VAV1: variants seen among roughly 807,000 people sequenced by gnomAD.
VAV1 encodes the protein vav guanine nucleotide exchange factor 1, also known as proto-oncogene vav.
VAV1 carries 33 observed loss-of-function variants against 128.1 expected under a neutral mutation model. That is an observed-to-expected ratio of 0.26 (90% confidence interval 0.20 to 0.34). VAV1 has a LOEUF of 0.34. Ranked by LOEUF, VAV1 falls within the 10% of genes least tolerant of loss-of-function variation. The probability of loss-of-function intolerance (pLI) is 1.00; values close to 1 mark genes in which losing one functional copy is unlikely to be tolerated. For synonymous variants in VAV1, 394 were observed against 409.8 expected (o/e 0.96, Z 0.47); for missense variants, 715 against 1,093.7 (o/e 0.65, Z 4.88).
rs370731016 is a variant in VAV1 at position 6,775,692 on chromosome 19, T to C, written c.204+2681T>C. 1.8e-3 allele frequency among the ~76,000 whole-genome samples: 275 copies of C among 152,158 alleles called. 19 individuals carry two copies. In the South Asian group the frequency reaches 0.052, roughly 29 times the overall value. ...GCCCGGCCGTGTGTCTGGTATGTAG[T>C]GGGGACGTGTGAGGGAAGGTAAGAG... On this transcript the variant is annotated intron_variant, in intron 1 of 26. Coordinates refer to ENST00000602142, the MANE Select transcript of VAV1 (RefSeq NM_005428.4).
intron 26 of VAV1, among the ~76,000 whole-genome samples, chr19:6,854,530 T>C (rs1314762042): frequency 3.3e-5 from 5 of 151,806 alleles, no homozygotes; most frequent in Admixed American, 3.3e-4. Context: ...CTGGCTAAAA[T>C]AGTGAGATCC....
Position 6,848,097 on chromosome 19 carries a change from A to T in VAV1, c.2112A>T (p.Glu704Asp). The T allele has an allele frequency of 6.4e-7, 1 of 1,553,458 alleles. No individual in the cohort carries two copies. The highest frequency in any genetic ancestry group is 8.6e-7 in the Non-Finnish European group (1 of 1,156,460). The change falls in exon 23 of 27, where the codon GAA becomes GAT. Residue 704 changes from glutamate (E) to aspartate (D), a missense_variant. Transcript: ENST00000602142. The part of the protein sequence containing the change: ...LVRQRVKDAA[E>D]FAISIKYNVE... Reference sequence around the variant, plus strand: ...GGCAGAGGGTGAAGGATGCAGCAGAATTTGCCATCAGCATTAAGTAACTCC... The same window carrying T: ...GGCAGAGGGTGAAGGATGCAGCAGATTTTGCCATCAGCATTAAGTAACTCC...
intron 16 of VAV1, 90 bp from the exon 17 acceptor site, chr19:6,833,438 A>C: frequency 7.1e-7 from 1 of 1,416,750 alleles, no homozygotes; most frequent in South Asian, 1.4e-5. Context: ...TCTAAAGAGA[A>C]CCCAAGGGGT....
chr19:6,784,001 C>G lies in VAV1; in HGVS notation c.204+10990C>G, dbSNP rs1970829541. 5 of 392,606 alleles carry G rather than the reference C, an allele frequency of 1.3e-5. No individual in the cohort carries two copies. In the East Asian group the frequency reaches 1.8e-4, roughly 14 times the overall value. The allele number at this position is 392,606 out of a possible 1,614,324, so 24.3% of individuals were successfully genotyped here. A position where few individuals can be genotyped will look rare whatever the true frequency, so the allele number is the denominator to read the frequency against. On this transcript the variant is annotated intron_variant, in intron 1 of 26. Transcript: ENST00000602142. ...AGGCATGGTGGCTCATGCCTGTAAT[C>G]TCAGCACTTTGAGAGGCCGAGACAG... is the stretch of plus-strand genomic sequence containing the variant.
At chr19:6,814,697 T>TTTCC in intron 1 of VAV1, among the ~76,000 whole-genome samples, 1 of 129,724 alleles carries the variant, frequency 7.7e-6, no homozygotes, top group African/African-American at 3.5e-5. Flanking sequence ...TCTTTCTTTC[T>TTTCC]TTCTTTCTTT....
chr19:6,813,582 T>C (rs903232505), intron 1 of VAV1, among the ~76,000 whole-genome samples: 9 of 152,184 alleles, frequency 5.9e-5, no homozygotes, highest in Non-Finnish European at 1.2e-4. Flanking sequence ...TAATATTTGG[T>C]AGGACTCATA....
At chr19:6,848,553 T>G (rs963569349) in intron 23 of VAV1, among the ~76,000 whole-genome samples, 4 of 151,342 alleles carry the variant, frequency 2.6e-5, no homozygotes, top group Admixed American at 2.6e-4. Flanking sequence ...CAGGCGCCTG[T>G]GACCATGCCC....
intron 21 of VAV1, among the ~76,000 whole-genome samples, chr19:6,841,560 C>T (rs148164388): frequency 1.1e-4 from 16 of 151,402 alleles, no homozygotes; most frequent in African/African-American, 3.6e-4. Flanking sequence ...CTGCAACCTC[C>T]GCTTCCCAGG....
chr19:6,850,463 A>G (rs1972643155), intron 23 of VAV1, among the ~76,000 whole-genome samples: 1 of 151,374 alleles, frequency 6.6e-6, no homozygotes, highest in Non-Finnish European at 1.5e-5. Flanking sequence ...TGAGTCAGGG[A>G]AGATGATTCC....
At chr19:6,799,405 T>C (rs1971212713) in intron 1 of VAV1, among the ~76,000 whole-genome samples, 1 of 152,034 alleles carries the variant, frequency 6.6e-6, no homozygotes, top group Non-Finnish European at 1.5e-5. Flanking sequence ...CCTGACCTCA[T>C]AATCTGCCCA....
chr19:6,849,500 G>A (rs1972613960), intron 23 of VAV1, among the ~76,000 whole-genome samples: 3 of 137,966 alleles, frequency 2.2e-5, no homozygotes, highest in South Asian at 5.3e-4. Flanking sequence ...GGGGGTGGGG[G>A]GAAAGTTTCA....
At chr19:6,836,295 C>T in intron 19 of VAV1, 137 bp from the exon 20 acceptor site, 1 of 1,149,072 alleles carries the variant, frequency 8.7e-7, no homozygotes, top group Non-Finnish European at 1.2e-6. Context: ...AGTGAAAATT[C>T]CAGTTTCTCC....
intron 1 of VAV1, among the ~76,000 whole-genome samples, chr19:6,816,016 A>G (rs1182725755): frequency 7.3e-6 from 1 of 136,786 alleles, no homozygotes; most frequent in Non-Finnish European, 1.5e-5. Context: ...TGTCTCTACA[A>G]ATTTTTTTTT....
chr19:6,814,703 T>C (rs1253884471), intron 1 of VAV1, among the ~76,000 whole-genome samples: 122 of 135,966 alleles, frequency 9.0e-4, no homozygotes, highest in Middle Eastern at 3.8e-3. Context: ...TTTCTTTCTT[T>C]CTTTCTTTCT....
At chr19:6,783,470 CTTTTTTTT>C (rs61101390) in intron 1 of VAV1, among the ~76,000 whole-genome samples, 2 of 113,832 alleles carry the variant, frequency 1.8e-5, no homozygotes, top group African/African-American at 7.3e-5. Flanking sequence ...CACCTCCATC[CTTTTTTTT>C]TTTTTTTTTT....
At chr19:6,774,109 C>T (rs146242402) in intron 1 of VAV1, among the ~76,000 whole-genome samples, 2,356 of 152,050 alleles carry the variant, frequency 0.015, 67 homozygotes, top group African/African-American at 0.054. Context: ...TGCGCCTTTA[C>T]TCCTTCTGTT....
At chr19:6,780,558 TTTTC>T (rs1970746918) in intron 1 of VAV1, among the ~76,000 whole-genome samples, 2 of 145,236 alleles carry the variant, frequency 1.4e-5, no homozygotes, top group African/African-American at 5.1e-5. Flanking sequence ...TGCCTTCTCC[TTTTC>T]TTTCTTTTTT....
intron 9 of VAV1, among the ~76,000 whole-genome samples, chr19:6,827,870 C>T (rs779063068): frequency 2.0e-5 from 3 of 151,848 alleles, no homozygotes; most frequent in South Asian, 4.1e-4. Flanking sequence ...AAAGTTCCTT[C>T]CAGTGGTTCT....
intron 1 of VAV1, among the ~76,000 whole-genome samples, chr19:6,773,805 T>C (rs1047768231): frequency 6.6e-6 from 1 of 152,104 alleles, no homozygotes; most frequent in African/African-American, 2.4e-5. Context: ...GCGTGTGATG[T>C]GGCTGCATTA....
Sources: allele counts gnomAD v4.1 joint callset (sites outside exome capture counted in the v4.1 genomes callset), GRCh38; gene constraint gnomAD v4.1.1; transcripts MANE v1.5; gene names NCBI Gene and HGNC (gene_info 2026-07-23, HGNC 2026-07-21).